The following ZNF263 variants were observed in gnomAD, a reference collection of about 807,000 sequenced individuals.
The protein encoded by ZNF263 is zinc finger protein FPM315.
Under a neutral mutation model 63.1 loss-of-function variants are expected in ZNF263, and 49 were observed. The observed-to-expected ratio is 0.78, with a 90% CI of 0.62 to 0.99. The LOEUF (loss-of-function observed/expected upper bound fraction) is 0.99, where lower values mean the gene tolerates loss of function less well. Among genes scored for constraint, ZNF263 ranks in the 50% least tolerant of loss-of-function variants. ZNF263 has a pLI of 0.00. For synonymous variants in ZNF263, 352 were observed against 324.2 expected (o/e 1.09, Z -0.92); for missense variants, 872 against 854.8 (o/e 1.02, Z -0.25).
downstream of ZNF263, among the ~76,000 whole-genome samples, chr16:3,294,872 G>A (rs1320167466): frequency 6.6e-6 from 1 of 152,202 alleles, no homozygotes; most frequent in Non-Finnish European, 1.5e-5. Context: ...GAACGGGAAA[G>A]AAAAACATTA....
chr16:3,284,419 C>A (rs1959263432), intron 1 of ZNF263, among the ~76,000 whole-genome samples: 1 of 152,240 alleles, frequency 6.6e-6, no homozygotes, highest in African/African-American at 2.4e-5. Flanking sequence ...GGCGGTGTCC[C>A]TGCAACAGTT....
At chr16:3,291,697 G>T (rs969625036), downstream of ZNF263, among the ~76,000 whole-genome samples, 1 of 152,186 alleles carries the variant, frequency 6.6e-6, no homozygotes, top group Non-Finnish European at 1.5e-5. Context: ...TGCTGTCATA[G>T]GGTCTCTAGA....
chr16:3,284,197 A>G lies in ZNF263; in HGVS notation c.379A>G (p.Arg127Gly). 1.3e-6 allele frequency: 2 copies of G among 1,537,772 alleles called. No individual in the cohort carries two copies. The highest frequency in any genetic ancestry group is 8.8e-7 in the Non-Finnish European group (1 of 1,140,100). Residue 127 changes from arginine to glycine, a missense_variant, in exon 1 of 6, where the codon AGA becomes GGA. Coordinates refer to ENST00000219069, the MANE Select transcript of ZNF263 (RefSeq NM_005741.5). The part of the protein sequence containing the change: ...EDMQRELGRL[R>G]QQVTNHGRGT... Reference sequence around the variant, plus strand: ...TATGCAGAGAGAGCTTGGGAGACTGAGACAACAGGTGAGAGAGAGAGAGAG... The same window carrying G: ...TATGCAGAGAGAGCTTGGGAGACTGGGACAACAGGTGAGAGAGAGAGAGAG...
chr16:3,288,614 TC>T, intron 5 of ZNF263, 44 bp downstream of exon 5: 1 of 1,462,544 alleles, frequency 6.8e-7, no homozygotes, highest in South Asian at 1.2e-5. Flanking sequence ...GCAGCAAGGC[TC>T]TTGCAGTTAA....
rs182619168 is a variant in ZNF263, at chr16:3,287,258, G to A, written c.769+1109G>A. 1.5e-3 allele frequency among the ~76,000 whole-genome samples: 228 copies of A among 152,232 alleles called. 5 individuals are homozygous for A. Among genetic ancestry groups the A allele is most frequent in the Admixed American group, 0.013 (206 of 15,286 alleles). On this transcript the variant is annotated intron_variant, in intron 4 of 5. Coordinates refer to ENST00000219069, the MANE Select transcript of ZNF263 (RefSeq NM_005741.5). Reference sequence around the variant, plus strand: ...CCAGAGTAGCTGGGATTACAGGCATGCGCCACCACACCCGGCTAATTTTTT... The same window carrying A: ...CCAGAGTAGCTGGGATTACAGGCATACGCCACCACACCCGGCTAATTTTTT...
intron 2 of ZNF263, chr16:3,300,324 C>T (rs199942857): frequency 8.9e-5 from 143 of 1,614,124 alleles, no homozygotes; most frequent in Non-Finnish European, 1.1e-4. Context: ...CGCCTCTTAC[C>T]GGAACACCGG....
Position 3,290,788 on chromosome 16 carries a change from T to A in ZNF263, c.*230T>A, listed in dbSNP as rs1282575184. 2 of 1,329,206 alleles carry A rather than the reference T, an allele frequency of 1.5e-6. No homozygotes were observed. The highest frequency in any genetic ancestry group is 1.9e-6 in the Non-Finnish European group (2 of 1,041,394). 82.3% of individuals were successfully genotyped at this position (1,329,206 alleles called of 1,614,324 possible). ...TCTCTGAGGTGACCTCAGGGTGGAATTCTCTGTTAAGTCCACCCTGCCCCA... is the reference window on the plus strand; with the variant it reads ...TCTCTGAGGTGACCTCAGGGTGGAAATCTCTGTTAAGTCCACCCTGCCCCA... On this transcript the variant is annotated 3_prime_UTR_variant, in exon 6 of 6. Transcript: ENST00000219069.
At chr16:3,299,678 G>A (rs577260411) in intron 2 of ZNF263, 4 of 1,544,304 alleles carry the variant, frequency 2.6e-6, no homozygotes, top group East Asian at 2.3e-5. Flanking sequence ...CATTTTATTC[G>A]ACCATCCTCA....
Position 3,285,749 on chromosome 16 carries a change from C to A in ZNF263, c.637C>A (p.Pro213Thr), listed in dbSNP as rs1222271354. ...GNMEDKEMTG[P>T]QLPESLEDVA... is the part of the protein sequence containing the mutation. ...CATGGAAGACAAGGAGATGACTGGG[C>A]CCCAGGTGATGTGGAAGTTTCCATT... The change falls in exon 3 of 6, where the codon CCC (proline) becomes ACC (threonine). Residue 213 changes from proline (P) to threonine (T), a missense_variant. Pro to Thr is a conservative substitution (Grantham distance 38). Transcript: ENST00000219069. The A allele has an allele frequency of 6.2e-7, 1 of 1,614,026 alleles. No individual in the cohort carries two copies. The highest frequency in any genetic ancestry group is 1.1e-5 in the South Asian group (1 of 91,076).
At chr16:3,300,317 C>T in intron 2 of ZNF263, 1 of 1,614,232 alleles carries the variant, frequency 6.2e-7, no homozygotes, top group Non-Finnish European at 8.5e-7. Flanking sequence ...AGCTCCACGC[C>T]TCTTACCGGA....
At chr16:3,291,481 A>T, downstream of ZNF263, 1 of 985,442 alleles carries the variant, frequency 1.0e-6, no homozygotes. Flanking sequence ...TCTTCAATGA[A>T]AGCCTCTGTC....
At chr16:3,292,693 G>A (rs756270217), downstream of ZNF263, among the ~76,000 whole-genome samples, 16 of 152,186 alleles carry the variant, frequency 1.1e-4, no homozygotes, top group Non-Finnish European at 1.8e-4. Flanking sequence ...GGTCCAACTG[G>A]TGCTGCTCAT....
intron 4 of ZNF263, chr16:3,286,586 G>C (rs1255339527): frequency 6.5e-6 from 1 of 153,472 alleles, no homozygotes; most frequent in African/African-American, 2.4e-5. Context: ...TTCAGGGGTA[G>C]TAGGATCAAC....
At chr16:3,300,324 C>A (rs199942857) in intron 2 of ZNF263, 3 of 1,614,242 alleles carry the variant, frequency 1.9e-6, no homozygotes, top group Middle Eastern at 1.6e-4. Flanking sequence ...CGCCTCTTAC[C>A]GGAACACCGG....
intron 1 of ZNF263, 113 bp downstream of exon 1, chr16:3,284,318 A>G (rs982130427): frequency 5.8e-6 from 8 of 1,383,826 alleles, no homozygotes; most frequent in Middle Eastern, 1.9e-4. Flanking sequence ...TACGTGGGGA[A>G]GAGGACTTGT....
At chr16:3,296,574 G>C (rs1489117881) in intron 1 of ZNF263, among the ~76,000 whole-genome samples, 1 of 152,156 alleles carries the variant, frequency 6.6e-6, no homozygotes, top group Non-Finnish European at 1.5e-5. Flanking sequence ...CTTCCACCAG[G>C]CTGCAGACTG....
chr16:3,296,588 A>G (rs759828119), intron 1 of ZNF263, among the ~76,000 whole-genome samples: 18 of 152,256 alleles, frequency 1.2e-4, no homozygotes, highest in Non-Finnish European at 2.4e-4. Context: ...CAGACTGAAT[A>G]AGGCAAGAAA....
intron 2 of ZNF263, among the ~76,000 whole-genome samples, 156 bp from the exon 3 acceptor site, chr16:3,285,525 G>C (rs544309288): frequency 3.9e-5 from 6 of 152,302 alleles, no homozygotes; most frequent in African/African-American, 1.4e-4. Context: ...CTCTCACCCT[G>C]TCATTTTGGA....
chr16:3,291,228 G>T lies in ZNF263; in HGVS notation c.*670G>T, dbSNP rs1389599925. ...AATTTGCAGGTCAGCCCAGGAATTG[G>T]CAGAGGAAGTAGGTGTCTGATAACC... is the stretch of plus-strand genomic sequence containing the variant. On this transcript the variant is annotated 3_prime_UTR_variant, in exon 6 of 6. Transcript: ENST00000219069. 9.1e-6 allele frequency: 9 copies of T among 985,474 alleles called. No individual in the cohort carries two copies. The highest frequency in any genetic ancestry group is 1.1e-5 in the Non-Finnish European group (9 of 830,076). 61.0% of individuals were successfully genotyped at this position (985,474 alleles called of 1,614,324 possible).
Sources: gnomAD v4.1 joint callset for allele counts (sites outside exome capture counted in the v4.1 genomes callset) on GRCh38, gnomAD v4.1.1 for gene constraint, MANE v1.5 for transcripts, NCBI Gene and HGNC (gene_info 2026-07-23, HGNC 2026-07-21) for gene names.